EFHB: variants seen among roughly 807,000 people sequenced by gnomAD.
The protein encoded by EFHB is EF-hand domain family member B.
A neutral mutation model predicts 87.2 loss-of-function variants in EFHB; 91 were observed. The ratio of observed to expected loss-of-function variants is 1.04; its 90% CI spans 0.88 to 1.24. The LOEUF (loss-of-function observed/expected upper bound fraction) is 1.24, where lower values mean the gene tolerates loss of function less well. Ranked by LOEUF, EFHB falls within the 50% of genes most tolerant of loss-of-function variation. The pLI, the probability that EFHB is intolerant of heterozygous loss-of-function variation, is 0.00. For missense variants in EFHB, 1,084 were observed against 998.8 expected (o/e 1.09, Z -1.15); for synonymous variants, 325 against 333.6 (o/e 0.97, Z 0.28).
chr3:19,895,171 T>C (rs2125127167), intron 9 of EFHB, among the ~76,000 whole-genome samples: 1 of 150,782 alleles, frequency 6.6e-6, no homozygotes, highest in East Asian at 2.0e-4. Flanking sequence ...ATTTCCTCCC[T>C]GCTTAATTTA....
At chr3:19,903,780 G>C (rs1475456435) in intron 6 of EFHB, among the ~76,000 whole-genome samples, 1 of 152,116 alleles carries the variant, frequency 6.6e-6, no homozygotes, top group Non-Finnish European at 1.5e-5. Context: ...AGGTGATCAA[G>C]AATAAAGTGC....
chr3:19,913,068 C>A (rs1311081360), intron 5 of EFHB, among the ~76,000 whole-genome samples: 1 of 152,088 alleles, frequency 6.6e-6, no homozygotes, highest in African/African-American at 2.4e-5. Flanking sequence ...ATAATAAAAA[C>A]CCTCAACACA....
At chr3:19,932,849 T>G (rs1695875058) in intron 1 of EFHB, among the ~76,000 whole-genome samples, 1 of 152,152 alleles carries the variant, frequency 6.6e-6, no homozygotes, top group Non-Finnish European at 1.5e-5. Context: ...AACAAATAAC[T>G]CACAGACTAA....
intron 9 of EFHB, among the ~76,000 whole-genome samples, chr3:19,890,354 G>A (rs887882119): frequency 6.6e-6 from 1 of 152,186 alleles, no homozygotes; most frequent in Non-Finnish European, 1.5e-5. Flanking sequence ...CTTCAAGAGG[G>A]ATGCATCTGT....
chr3:19,915,905 G>C (rs1481562112), intron 4 of EFHB, among the ~76,000 whole-genome samples: 2 of 152,138 alleles, frequency 1.3e-5, no homozygotes, highest in Non-Finnish European at 2.9e-5. Flanking sequence ...TTGAATCCGG[G>C]AGGTGGAGGT....
upstream of EFHB, chr3:19,936,017 A>AC (rs1397021272): frequency 7.3e-6 from 8 of 1,101,932 alleles, no homozygotes; most frequent in African/African-American, 1.2e-4. Context: ...TCAAAAAAAA[A>AC]AAAAAAAAAA....
rs58066421 is a variant in EFHB, at chr3:19,915,757, TAA to T, written c.1178-346_1178-345del. ...CAACATGGTGAAACCCCATTTCTAC[TAA>T]AAAAAAAAAAAAAATCCAGCCTGGA... is the stretch of plus-strand genomic sequence containing the variant. On this transcript the variant is annotated intron_variant, in intron 4 of 12. Coordinates refer to ENST00000295824, the MANE Select transcript of EFHB (RefSeq NM_144715.4). Among the ~76,000 whole-genome samples the T allele has an allele frequency of 7.2e-3, 1,023 of 141,298 alleles. 5 individuals carry two copies. Among genetic ancestry groups the T allele is most frequent in the African/African-American group, 0.021 (834 of 38,858 alleles). The allele number at this position is 141,298 out of a possible 152,430, so 92.7% of individuals were successfully genotyped here.
At chr3:19,896,361 G>A (rs1694480354) in intron 9 of EFHB, among the ~76,000 whole-genome samples, 1 of 152,170 alleles carries the variant, frequency 6.6e-6, no homozygotes, top group Non-Finnish European at 1.5e-5. Context: ...GATGGTGGTA[G>A]TGGAACCACA....
chr3:19,939,552 T>A (rs1202916265), intron 1 of EFHB, among the ~76,000 whole-genome samples: 1 of 111,410 alleles, frequency 9.0e-6, no homozygotes, highest in Non-Finnish European at 1.9e-5. Flanking sequence ...ACCCGGCTAA[T>A]TTTTTGTATT....
chr3:19,939,684 A>G (rs1237248171), intron 1 of EFHB, among the ~76,000 whole-genome samples: 1 of 151,732 alleles, frequency 6.6e-6, no homozygotes, highest in Non-Finnish European at 1.5e-5. Flanking sequence ...GCACCCGCCC[A>G]TGGGTCTCCC....
chr3:19,882,510 A>G, intron 12 of EFHB, 40 bp downstream of exon 12: 1 of 1,424,746 alleles, frequency 7.0e-7, no homozygotes, highest in Non-Finnish European at 9.3e-7. Context: ...AGTTGTTGAT[A>G]GAGAAAACAT....
intron 9 of EFHB, 156 bp downstream of exon 9, chr3:19,896,531 A>G (rs750050065): frequency 5.0e-6 from 5 of 1,000,322 alleles, no homozygotes; most frequent in Non-Finnish European, 7.8e-6. Flanking sequence ...TGAAAACAAC[A>G]CAGGCGTGAT....
intron 5 of EFHB, among the ~76,000 whole-genome samples, chr3:19,908,756 G>T (rs1348122077): frequency 6.6e-6 from 1 of 151,980 alleles, no homozygotes; most frequent in Non-Finnish European, 1.5e-5. Flanking sequence ...CTTTAGTAAT[G>T]ATTAAAATTA....
intron 4 of EFHB, among the ~76,000 whole-genome samples, chr3:19,916,646 T>C: frequency 6.6e-6 from 1 of 152,144 alleles, no homozygotes; most frequent in Non-Finnish European, 1.5e-5. Flanking sequence ...GGAAAAGATG[T>C]TTGTTTAATA....
chr3:19,926,740 A>C (rs1235248206), intron 1 of EFHB, among the ~76,000 whole-genome samples: 1 of 151,274 alleles, frequency 6.6e-6, no homozygotes, highest in Non-Finnish European at 1.5e-5. Flanking sequence ...AGCTCACAGC[A>C]ACCTCCGCCT....
At chr3:19,917,623 C>T (rs943449154) in intron 4 of EFHB, among the ~76,000 whole-genome samples, 2 of 152,088 alleles carry the variant, frequency 1.3e-5, no homozygotes, top group African/African-American at 4.8e-5. Flanking sequence ...AAGAAAGGTA[C>T]CCAACAACAT....
In EFHB at chr3:19,896,720, G is replaced by A. The variant is rs765925960; in HGVS notation, c.1692C>T (p.Asp564=). Residue 564 remains aspartate (D), a synonymous_variant, in exon 9 of 13, where the codon GAC becomes GAT. Transcript: ENST00000295824. ...HLKKVNYQKF[D]TLLAAFRHYD... ...AGTGCCTGAAGGCTGCCAGCAAAGT[G>A]TCAAACTTTTGGTAATTAACTTTCT... The A allele has an allele frequency of 6.2e-7, 1 of 1,614,024 alleles. No individual in the cohort carries two copies.
Position 19,882,600 on chromosome 3 carries a change from G to C in EFHB, c.2278C>G (p.Arg760Gly), listed in dbSNP as rs779534510. 1 of 1,611,164 alleles carries C rather than the reference G, an allele frequency of 6.2e-7. No homozygotes were observed. The highest frequency in any genetic ancestry group is 2.2e-5 in the East Asian group (1 of 44,830). ...YSLLYPTIFA[R>G]KGVFERDFFK... is the part of the protein sequence containing the mutation. ...AAGTCTCTTTCAAACACTCCTTTCC[G>C]GGCAAAAATGGTAGGATATAGTAGT... is the stretch of plus-strand genomic sequence containing the variant. Residue 760 changes from arginine to glycine, a missense_variant, in exon 12 of 13, where the codon CGG becomes GGG. By Grantham distance (125) the Arg-to-Gly change is moderately radical. Coordinates refer to ENST00000295824, the MANE Select transcript of EFHB (RefSeq NM_144715.4).
At position 19,882,687 on chromosome 3, in the gene EFHB, C is replaced by G. The variant is rs368223083; in HGVS notation, c.2191G>C (p.Ala731Pro). Residue 731 changes from alanine (A) to proline (P), a missense_variant, in exon 12 of 13, where the codon GCT becomes CCT. Transcript: ENST00000295824. The part of the protein sequence containing the change: ...GVPTIRSDIP[A>P]PRIRRISDRT... ...TCACTGATGCGACGAATTCGGGGAG[C>G]AGGAATGTCAGATCGAATGGTTGGA... is the stretch of plus-strand genomic sequence containing the variant. 5 of 1,613,532 alleles carry G rather than the reference C, an allele frequency of 3.1e-6. No individual in the cohort carries two copies. Among genetic ancestry groups the G allele is most frequent in the East Asian group, 4.5e-5 (2 of 44,876 alleles).
Sources: gnomAD v4.1 joint callset for allele counts (sites outside exome capture counted in the v4.1 genomes callset) on GRCh38, gnomAD v4.1.1 for gene constraint, MANE v1.5 for transcripts, NCBI Gene and HGNC (gene_info 2026-07-23, HGNC 2026-07-21) for gene names.